Variants in C12orf56 observed in about 807,000 individuals in gnomAD.
The protein encoded by C12orf56 is uncharacterized protein C12orf56.
C12orf56 carries 71 observed loss-of-function variants against 69.9 expected under a neutral mutation model. The ratio of observed to expected loss-of-function variants is 1.02; its 90% CI spans 0.84 to 1.24. The LOEUF is 1.24. Ranked by LOEUF, C12orf56 falls within the 50% of genes most tolerant of loss-of-function variation. The probability of loss-of-function intolerance (pLI) is 0.00; values close to 1 mark genes in which losing one functional copy is unlikely to be tolerated. For synonymous variants in C12orf56, 276 were observed against 274.1 expected, an observed-to-expected ratio of 1.01 and a Z score of -0.07; for missense variants, 732 against 738.5, an observed-to-expected ratio of 0.99 and a Z score of 0.10.
intron 5 of C12orf56, among the ~76,000 whole-genome samples, chr12:64,309,708 G>A (rs1419379602): frequency 1.3e-5 from 2 of 151,906 alleles, no homozygotes; most frequent in Non-Finnish European, 2.9e-5. Context: ...ACAGGGTTTC[G>A]CCCTATTGGC....
chr12:64,377,127 T>C (rs1425114281), intron 1 of C12orf56, among the ~76,000 whole-genome samples: 1 of 152,174 alleles, frequency 6.6e-6, no homozygotes, highest in Non-Finnish European at 1.5e-5. Flanking sequence ...GTTGAACTTT[T>C]TTCACATATT....
intron 2 of C12orf56, among the ~76,000 whole-genome samples, chr12:64,342,078 G>A (rs1162353465): frequency 6.6e-6 from 1 of 152,110 alleles, no homozygotes; most frequent in Non-Finnish European, 1.5e-5. Flanking sequence ...GCACTCACAT[G>A]GGATACAAAT....
intron 3 of C12orf56, among the ~76,000 whole-genome samples, chr12:64,319,235 ACTG>A (rs2038736761): frequency 2.0e-5 from 3 of 152,172 alleles, no homozygotes; most frequent in South Asian, 2.1e-4. Context: ...AGAATGAAGC[ACTG>A]TATATATTGA....
At chr12:64,351,937 T>C (rs185835198) in intron 2 of C12orf56, among the ~76,000 whole-genome samples, 30 of 151,964 alleles carry the variant, frequency 2.0e-4, no homozygotes, top group Middle Eastern at 3.4e-3. Context: ...GGAAATTGTA[T>C]CTCTGTACTA....
intron 9 of C12orf56, 42 bp from the exon 10 acceptor site, chr12:64,275,414 G>T: frequency 1.1e-6 from 1 of 906,750 alleles, no homozygotes; most frequent in Non-Finnish European, 1.6e-6. Flanking sequence ...CATAAGCCAA[G>T]TCAGAAAACG....
intron 2 of C12orf56, among the ~76,000 whole-genome samples, chr12:64,340,557 A>G (rs151120885): frequency 1.1e-3 from 166 of 152,296 alleles, no homozygotes; most frequent in Middle Eastern, 3.4e-3. Context: ...CCCCAACCCA[A>G]ATACTATTCC....
chr12:64,320,290 G>A (rs1170587005), intron 3 of C12orf56, among the ~76,000 whole-genome samples: 1 of 152,112 alleles, frequency 6.6e-6, no homozygotes, highest in Non-Finnish European at 1.5e-5. Flanking sequence ...CACCATCTTG[G>A]AAGCGGCCTG....
chr12:64,347,429 G>T (rs908150801), intron 2 of C12orf56, among the ~76,000 whole-genome samples: 1 of 151,882 alleles, frequency 6.6e-6, no homozygotes, highest in African/African-American at 2.4e-5. Context: ...GGGATAACAG[G>T]TGCATGCCAC....
intron 1 of C12orf56, among the ~76,000 whole-genome samples, chr12:64,369,071 C>A (rs1351388756): frequency 6.6e-6 from 1 of 150,512 alleles, no homozygotes; most frequent in Non-Finnish European, 1.5e-5. Flanking sequence ...GTGATCCCAG[C>A]ACTCTAGGAA....
chr12:64,345,086 A>T (rs918793292), intron 2 of C12orf56, among the ~76,000 whole-genome samples: 10 of 152,066 alleles, frequency 6.6e-5, no homozygotes, highest in Non-Finnish European at 4.4e-5. Flanking sequence ...ATTGTTGTTT[A>T]AAAAAATTAG....
At chr12:64,311,437 GA>G (rs937961506) in intron 5 of C12orf56, among the ~76,000 whole-genome samples, 125 of 150,270 alleles carry the variant, frequency 8.3e-4, no homozygotes, top group African/African-American at 2.9e-3. Flanking sequence ...AAAACAGAAA[GA>G]AAAAAAAAGT....
At chr12:64,315,988 G>T (rs1235908094) in intron 4 of C12orf56, among the ~76,000 whole-genome samples, 1 of 151,146 alleles carries the variant, frequency 6.6e-6, no homozygotes, top group Non-Finnish European at 1.5e-5. Flanking sequence ...TTAGTAGAAT[G>T]AATTCTAACC....
At chr12:64,338,127 A>G in intron 2 of C12orf56, 1 of 501,200 alleles carries the variant, frequency 2.0e-6, no homozygotes, top group Admixed American at 2.4e-5. Flanking sequence ...AGAAGCTTCC[A>G]CATCACAGCA....
intron 11 of C12orf56, among the ~76,000 whole-genome samples, chr12:64,273,142 A>C (rs1387591867): frequency 6.6e-6 from 1 of 152,024 alleles, no homozygotes; most frequent in African/African-American, 2.4e-5. Flanking sequence ...AAAAAATACA[A>C]AATTTAGCCG....
chr12:64,365,586 A>C (rs1406344012), intron 1 of C12orf56, among the ~76,000 whole-genome samples: 1 of 151,116 alleles, frequency 6.6e-6, no homozygotes, highest in Non-Finnish European at 1.5e-5. Flanking sequence ...TATGCTCTCA[A>C]CTTACACAAA....
intron 1 of C12orf56, among the ~76,000 whole-genome samples, chr12:64,365,096 T>C (rs891212660): frequency 4.6e-5 from 7 of 152,006 alleles, no homozygotes; most frequent in Non-Finnish European, 8.8e-5. Flanking sequence ...ACATGATCTT[T>C]TATGTGCTTT....
intron 1 of C12orf56, among the ~76,000 whole-genome samples, chr12:64,368,427 AGTTTCT>A (rs1160527692): frequency 6.6e-6 from 1 of 151,996 alleles, no homozygotes; most frequent in African/African-American, 2.4e-5. Context: ...CCACCTATGG[AGTTTCT>A]TATCAAAGGC....
At chr12:64,293,509 T>A (rs1489792639) in intron 6 of C12orf56, 1 of 152,248 alleles carries the variant, frequency 6.6e-6, no homozygotes, top group African/African-American at 2.4e-5. Flanking sequence ...GTCTTTCAAA[T>A]GGGTTAATAA....
rs750622737 is a variant in C12orf56 at position 64,318,933 on chromosome 12, G to A, written c.536C>T (p.Pro179Leu). The change falls in exon 4 of 13, where the codon CCT becomes CTT. Residue 179 changes from proline to leucine, a missense_variant. Pro to Leu is a moderately conservative substitution (Grantham distance 98, BLOSUM62 -3). Transcript: ENST00000543942. ...STPSKDSTLC[P>L]RPGLKKLSLH... is the part of the protein sequence containing the mutation. ...GGACAGCTTTTTGAGGCCTGGACGAGGACAGAGAGTTGAGTCCTTGGATGG... is the reference window on the plus strand; with the variant it reads ...GGACAGCTTTTTGAGGCCTGGACGAAGACAGAGAGTTGAGTCCTTGGATGG... 11 of 1,535,290 alleles carry A rather than the reference G, an allele frequency of 7.2e-6. No homozygotes were observed. In the South Asian group the frequency reaches 1.3e-4, roughly 18 times the overall value.
Sources: allele counts gnomAD v4.1 joint callset (sites outside exome capture counted in the v4.1 genomes callset), GRCh38; gene constraint gnomAD v4.1.1; transcripts MANE v1.5; gene names NCBI Gene and HGNC (gene_info 2026-07-23, HGNC 2026-07-21).